The following DPY19L1 variants were observed in gnomAD, a reference collection of about 807,000 sequenced individuals.
DPY19L1 encodes the protein dpy-19 like C-mannosyltransferase 1.
A neutral mutation model predicts 96.9 loss-of-function variants in DPY19L1; 35 were observed. The observed-to-expected ratio is 0.36, with a 90% CI of 0.28 to 0.48. The LOEUF (loss-of-function observed/expected upper bound fraction) is 0.48. Ranked by LOEUF, DPY19L1 falls within the 20% of genes least tolerant of loss-of-function variation. The pLI is 0.99. For missense variants in DPY19L1, 521 were observed against 777.9 expected, an observed-to-expected ratio of 0.67 and a Z score of 3.93; for synonymous variants, 205 against 252.6, an observed-to-expected ratio of 0.81 and a Z score of 1.79.
chr7:34,942,454 C>T (rs188162308), intron 17 of DPY19L1, among the ~76,000 whole-genome samples, 161 bp downstream of exon 17: 1 of 152,286 alleles, frequency 6.6e-6, no homozygotes, highest in African/African-American at 2.4e-5. Context: ...AATGAATAGT[C>T]AGTGAATCTG....
intron 7 of DPY19L1, among the ~76,000 whole-genome samples, chr7:34,985,973 T>C (rs879207128): frequency 6.6e-6 from 1 of 151,814 alleles, no homozygotes; most frequent in Admixed American, 6.6e-5. Context: ...TGACACAGCC[T>C]TAAAAAAAGA....
At chr7:34,969,819 A>G (rs1784687609) in intron 8 of DPY19L1, among the ~76,000 whole-genome samples, 7 of 152,236 alleles carry the variant, frequency 4.6e-5, no homozygotes, top group Admixed American at 4.6e-4. Flanking sequence ...CCATGACTGA[A>G]TATTTAAAAA....
At chr7:34,955,662 TA>T (rs1784363290) in intron 11 of DPY19L1, among the ~76,000 whole-genome samples, 1 of 152,182 alleles carries the variant, frequency 6.6e-6, no homozygotes, top group African/African-American at 2.4e-5. Context: ...CCATGAGGTA[TA>T]TAACATTTTC....
intron 3 of DPY19L1, among the ~76,000 whole-genome samples, chr7:35,017,321 G>A (rs183318333): frequency 0.017 from 2,538 of 151,032 alleles, 33 homozygotes; most frequent in East Asian, 0.038. Context: ...GTGAAACCCC[G>A]TCTCTACTAA....
chr7:34,990,512 A>G (rs1365351274), intron 6 of DPY19L1, among the ~76,000 whole-genome samples: 4 of 152,246 alleles, frequency 2.6e-5, no homozygotes, highest in Non-Finnish European at 4.4e-5. Flanking sequence ...CTTGAGGAAT[A>G]CCAATTTATA....
intron 9 of DPY19L1, among the ~76,000 whole-genome samples, chr7:34,967,362 A>G (rs1012893743): frequency 2.0e-5 from 3 of 152,182 alleles, no homozygotes; most frequent in African/African-American, 7.2e-5. Context: ...CTGAAAAATA[A>G]TTATGCAATG....
intron 6 of DPY19L1, among the ~76,000 whole-genome samples, chr7:35,009,972 G>A (rs1210661049): frequency 6.6e-6 from 1 of 152,140 alleles, no homozygotes; most frequent in Non-Finnish European, 1.5e-5. Flanking sequence ...GCTCATGCCT[G>A]TAATCCCAGC....
intron 21 of DPY19L1, among the ~76,000 whole-genome samples, chr7:34,936,012 T>C (rs1455273838): frequency 6.6e-6 from 1 of 152,058 alleles, no homozygotes; most frequent in African/African-American, 2.4e-5. Flanking sequence ...GGAAAACAGA[T>C]GAGAGAGTCA....
intron 1 of DPY19L1, among the ~76,000 whole-genome samples, chr7:35,028,151 G>A (rs890404120): frequency 1.2e-4 from 19 of 152,172 alleles, no homozygotes; most frequent in African/African-American, 4.6e-4. Flanking sequence ...TTCCCATGAG[G>A]CTCAGGGGCA....
At chr7:35,032,436 A>G (rs1431434439) in intron 1 of DPY19L1, among the ~76,000 whole-genome samples, 1 of 152,190 alleles carries the variant, frequency 6.6e-6, no homozygotes, top group Non-Finnish European at 1.5e-5. Context: ...GAGTTCATCT[A>G]AAGCACTTCC....
chr7:34,991,163 T>C (rs1158300939), intron 6 of DPY19L1, among the ~76,000 whole-genome samples: 1 of 152,184 alleles, frequency 6.6e-6, no homozygotes. Flanking sequence ...AGTGAAACGA[T>C]GGCAGCATTA....
intron 4 of DPY19L1, among the ~76,000 whole-genome samples, chr7:35,012,145 C>T (rs947695891): frequency 2.6e-5 from 4 of 152,188 alleles, no homozygotes; most frequent in African/African-American, 9.7e-5. Flanking sequence ...ATCCCCTACC[C>T]ACGGGCAATC....
At chr7:34,963,436 T>C (rs1319908436) in intron 10 of DPY19L1, among the ~76,000 whole-genome samples, 5 of 152,312 alleles carry the variant, frequency 3.3e-5, no homozygotes, top group Admixed American at 1.3e-4. Flanking sequence ...CCTTAAAAAA[T>C]AGATTTACCA....
chr7:35,036,007 G>A (rs329270), intron 1 of DPY19L1, among the ~76,000 whole-genome samples: 76,858 of 151,552 alleles, frequency 0.51, 19,761 homozygotes, highest in Admixed American at 0.63. Context: ...GCAATGGGGG[G>A]AAAAAAAGTA....
At chr7:35,018,623 G>C in intron 1 of DPY19L1, 27 bp from the exon 2 acceptor site, 2 of 1,594,946 alleles carry the variant, frequency 1.3e-6, no homozygotes, top group South Asian at 1.1e-5. Flanking sequence ...ATTTAAATTA[G>C]AATTTTAGCA....
intron 1 of DPY19L1, among the ~76,000 whole-genome samples, chr7:35,023,818 TTTTTCTTTTC>T (rs199763126): frequency 1.5e-5 from 2 of 135,684 alleles, no homozygotes; most frequent in African/African-American, 5.3e-5. Flanking sequence ...AAATATATTC[TTTTTCTTTTC>T]TTTTCTTTTT....
intron 10 of DPY19L1, among the ~76,000 whole-genome samples, chr7:34,961,778 T>C (rs1784506125): frequency 6.6e-6 from 1 of 151,834 alleles, no homozygotes; most frequent in Non-Finnish European, 1.5e-5. Flanking sequence ...AACTCGACAA[T>C]AAGGAAATGA....
At chr7:35,027,757 G>C (rs1007552364) in intron 1 of DPY19L1, among the ~76,000 whole-genome samples, 1 of 151,606 alleles carries the variant, frequency 6.6e-6, no homozygotes, top group African/African-American at 2.4e-5. Context: ...AGAATCGCTT[G>C]AACTTGGGAG....
Position 34,986,303 on chromosome 7 carries a change from C to T in DPY19L1, c.822+3581G>A, listed in dbSNP as rs1461311326. 8.6e-5 allele frequency among the ~76,000 whole-genome samples: 13 copies of T among 151,964 alleles called. No individual in the cohort carries two copies. In the East Asian group the frequency reaches 2.5e-3, roughly 29 times the overall value. On this transcript the variant is annotated intron_variant, in intron 7 of 21. Coordinates refer to ENST00000638088, the MANE Select transcript of DPY19L1 (RefSeq NM_001366673.1). ...ATTGCTAAGAGATTTTTAGCATTCT[C>T]ACCACAAAAAATGCTAAGTTGGTGA...
Sources: gnomAD v4.1 joint callset for allele counts (sites outside exome capture counted in the v4.1 genomes callset) on GRCh38, gnomAD v4.1.1 for gene constraint, MANE v1.5 for transcripts, NCBI Gene and HGNC (gene_info 2026-07-23, HGNC 2026-07-21) for gene names.